STK3: variants seen among roughly 807,000 people sequenced by gnomAD.
The protein encoded by STK3 is serine/threonine-protein kinase 3.
Under a neutral mutation model 58.0 loss-of-function variants are expected in STK3, and 41 were observed. The ratio of observed to expected loss-of-function variants is 0.71; its 90% confidence interval spans 0.55 to 0.92. The LOEUF is 0.92. Among genes scored for constraint, STK3 ranks in the 40% least tolerant of loss-of-function variants. The pLI, the probability that STK3 is intolerant of heterozygous loss-of-function variation, is 0.00. For missense variants in STK3, 479 were observed against 602.7 expected (o/e 0.79, Z 2.15); for synonymous variants, 170 against 191.0 (o/e 0.89, Z 0.91).
intron 6 of STK3, among the ~76,000 whole-genome samples, chr8:98,615,087 G>A (rs1366038010): frequency 6.6e-6 from 1 of 151,816 alleles, no homozygotes; most frequent in Non-Finnish European, 1.5e-5. Flanking sequence ...GAGAGCAGTG[G>A]TTCTCCCAGC....
At chr8:98,598,107 G>T (rs1420017290) in intron 6 of STK3, 3 of 985,172 alleles carry the variant, frequency 3.0e-6, no homozygotes, top group Non-Finnish European at 2.4e-6. Flanking sequence ...ACCTCAAACT[G>T]CAGGTAAATT....
chr8:98,584,376 A>G (rs1270709777), intron 7 of STK3, among the ~76,000 whole-genome samples: 4 of 151,052 alleles, frequency 2.6e-5, no homozygotes, highest in Non-Finnish European at 5.9e-5. Flanking sequence ...GCGATAGTTT[A>G]CTGAGAATGA....
At chr8:98,772,897 C>T (rs1318660489) in intron 2 of STK3, among the ~76,000 whole-genome samples, 1 of 152,060 alleles carries the variant, frequency 6.6e-6, no homozygotes, top group Non-Finnish European at 1.5e-5. Flanking sequence ...TTAAATTTTT[C>T]TTTATAAATT....
rs1381931005 is a variant in STK3 at position 98,723,105 on chromosome 8, T to C, written c.352-15794A>G. 1.6e-4 allele frequency: 37 copies of C among 229,824 alleles called. No homozygotes were observed. In the Admixed American group the frequency reaches 1.8e-3, roughly 11 times the overall value. The allele number at this position is 229,824 out of a possible 1,614,324, so 14.2% of individuals were successfully genotyped here. On this transcript the variant is annotated intron_variant, in intron 4 of 10. Coordinates refer to ENST00000419617, the MANE Select transcript of STK3 (RefSeq NM_006281.4). The stretch of plus-strand genomic sequence containing the variant: ...AGATTTCATTTCATTTAGGTCACTA[T>C]ACAAATGGTGCGATGTCATTTTTAA...
downstream of STK3, among the ~76,000 whole-genome samples, chr8:98,450,557 G>A (rs1358096005): frequency 2.0e-5 from 3 of 152,172 alleles, no homozygotes; most frequent in Admixed American, 6.5e-5. Flanking sequence ...CTTCCGCCAT[G>A]CTGATTAATG....
At chr8:98,605,961 C>T (rs2130126968) in intron 6 of STK3, among the ~76,000 whole-genome samples, 1 of 152,296 alleles carries the variant, frequency 6.6e-6, no homozygotes, top group Non-Finnish European at 1.5e-5. Context: ...GGTGCGGTAG[C>T]TCATGCCTGT....
intron 6 of STK3, among the ~76,000 whole-genome samples, chr8:98,697,672 G>A (rs570266116): frequency 1.2e-3 from 189 of 152,320 alleles, no homozygotes; most frequent in African/African-American, 4.4e-3. Context: ...GTGGTTTTGA[G>A]TGAGTTTCTT....
intron 6 of STK3, among the ~76,000 whole-genome samples, chr8:98,624,861 G>GAA (rs200197045): frequency 6.9e-6 from 1 of 144,878 alleles, no homozygotes; most frequent in Non-Finnish European, 1.5e-5. Flanking sequence ...TCTCAAAAAA[G>GAA]AAAAAAAAAA....
intron 1 of STK3, among the ~76,000 whole-genome samples, chr8:98,775,464 A>G (rs1226262128): frequency 6.6e-6 from 1 of 152,202 alleles, no homozygotes; most frequent in Non-Finnish European, 1.5e-5. Flanking sequence ...CGCACCAATG[A>G]TAGGTTCCCC....
chr8:98,710,210 G>A lies in STK3; in HGVS notation c.352-2899C>T, dbSNP rs188966446. 5.1e-3 allele frequency among the ~76,000 whole-genome samples: 774 copies of A among 152,240 alleles called. 6 individuals carry two copies. Among genetic ancestry groups the A allele is most frequent in the Non-Finnish European group, 7.8e-3 (530 of 68,016 alleles). ...ACAGCTCCAGTCTAAAGCTCCCAGC[G>A]TGAGCATTGCAGAAGACACATGATT... On this transcript the variant is annotated intron_variant, in intron 4 of 10. Transcript: ENST00000419617.
chr8:98,653,203 G>A (rs890707120), intron 6 of STK3, among the ~76,000 whole-genome samples: 1 of 152,136 alleles, frequency 6.6e-6, no homozygotes, highest in South Asian at 2.1e-4. Context: ...CAACTACATG[G>A]AAACTGAACA....
chr8:98,452,506 T>C (rs369938909), downstream of STK3, among the ~76,000 whole-genome samples: 1 of 152,198 alleles, frequency 6.6e-6, no homozygotes, highest in Non-Finnish European at 1.5e-5. Context: ...GAAAAAACTT[T>C]ATCATCTACA....
intron 1 of STK3, among the ~76,000 whole-genome samples, chr8:98,381,131 C>T (rs546904544): frequency 1.3e-4 from 20 of 151,914 alleles, no homozygotes; most frequent in South Asian, 2.1e-4. Context: ...CCACCATGTC[C>T]GGCTAATTTT....
chr8:98,731,722 CAAAA>C (rs35275281), intron 4 of STK3, among the ~76,000 whole-genome samples: 4 of 102,556 alleles, frequency 3.9e-5, no homozygotes, highest in Non-Finnish European at 6.3e-5. Flanking sequence ...GACTCCGTCT[CAAAA>C]AAAAAAAAAA....
intron 9 of STK3, among the ~76,000 whole-genome samples, chr8:98,529,009 C>T (rs1326839384): frequency 6.7e-6 from 1 of 150,226 alleles, no homozygotes; most frequent in African/African-American, 2.4e-5. Flanking sequence ...TTCTAGTCTA[C>T]TGTTCCTCTA....
chr8:98,414,367 T>G (rs1239731652), intron 3 of STK3, among the ~76,000 whole-genome samples: 1 of 152,230 alleles, frequency 6.6e-6, no homozygotes, highest in Non-Finnish European at 1.5e-5. Context: ...TCCTTATAAC[T>G]GACTCACCTA....
intron 1 of STK3, among the ~76,000 whole-genome samples, chr8:98,777,745 G>GA (rs1227865819): frequency 6.6e-6 from 1 of 152,134 alleles, no homozygotes; most frequent in Non-Finnish European, 1.5e-5. Flanking sequence ...GATTCTCGAG[G>GA]AAACATTTTA....
chr8:98,662,075 C>T (rs897028125), intron 6 of STK3, among the ~76,000 whole-genome samples: 9 of 152,012 alleles, frequency 5.9e-5, no homozygotes, highest in African/African-American at 2.2e-4. Flanking sequence ...AAAATGTCTG[C>T]CATGGAGTAA....
At chr8:98,402,326 G>A (rs905433906) in intron 3 of STK3, among the ~76,000 whole-genome samples, 1 of 152,186 alleles carries the variant, frequency 6.6e-6, no homozygotes, top group African/African-American at 2.4e-5. Flanking sequence ...CCACTGTGGA[G>A]AGACTATCCT....
Sources: allele counts gnomAD v4.1 joint callset (sites outside exome capture counted in the v4.1 genomes callset), GRCh38; gene constraint gnomAD v4.1.1; transcripts MANE v1.5; gene names NCBI Gene and HGNC (gene_info 2026-07-23, HGNC 2026-07-21).